The following ST6GALNAC3 variants were observed in gnomAD, a reference collection of about 807,000 sequenced individuals.
The protein encoded by ST6GALNAC3 is ST6 N-acetylgalactosaminide alpha-2,6-sialyltransferase 3, also known as alpha-N-acetylgalactosaminide alpha-2,6-sialyltransferase 3.
A neutral mutation model predicts 32.7 loss-of-function variants in ST6GALNAC3; 25 were observed. The observed-to-expected ratio is 0.76, with a 90% confidence interval of 0.56 to 1.07. ST6GALNAC3 has a LOEUF of 1.07. ST6GALNAC3 is among the 50% of genes least tolerant of loss of function. ST6GALNAC3 has a pLI of 0.00. For missense variants in ST6GALNAC3, 355 were observed against 382.4 expected (o/e 0.93, Z 0.60); for synonymous variants, 129 against 133.1 (o/e 0.97, Z 0.21).
chr1:76,229,207 T>C (rs907512174), intron 1 of ST6GALNAC3, among the ~76,000 whole-genome samples: 11 of 152,170 alleles, frequency 7.2e-5, no homozygotes, highest in Non-Finnish European at 1.3e-4. Flanking sequence ...CAAGTCAGAT[T>C]GCAATCTCCA....
intron 3 of ST6GALNAC3, among the ~76,000 whole-genome samples, chr1:76,507,904 AG>A (rs1381806689): frequency 2.0e-5 from 3 of 152,190 alleles, no homozygotes; most frequent in Non-Finnish European, 2.9e-5. Flanking sequence ...GCAGTGTACA[AG>A]GGTTCCAATT....
Position 76,502,559 on chromosome 1 carries a change from C to G in ST6GALNAC3, c.623+90142C>G, listed in dbSNP as rs542947083. Among the ~76,000 whole-genome samples, 77 of 152,152 alleles carry G rather than the reference C, an allele frequency of 5.1e-4. 1 individual carries two copies. The highest frequency in any genetic ancestry group is 3.2e-3 in the Middle Eastern group (1 of 316). On this transcript the variant is annotated intron_variant, in intron 3 of 4. Coordinates refer to ENST00000328299, the MANE Select transcript of ST6GALNAC3 (RefSeq NM_152996.4). ...TATATCTCTTCACATAATCTTCCTT[C>G]TCTGCATGTCTGTGTCCAGATTTCC...
intron 2 of ST6GALNAC3, among the ~76,000 whole-genome samples, chr1:76,361,025 G>A (rs1649888083): frequency 6.6e-6 from 1 of 151,940 alleles, no homozygotes; most frequent in South Asian, 2.1e-4. Context: ...TGAATTAAAT[G>A]TAAATAAGTC....
intron 3 of ST6GALNAC3, among the ~76,000 whole-genome samples, chr1:76,471,715 T>C (rs1031738471): frequency 5.9e-5 from 9 of 152,144 alleles, no homozygotes; most frequent in African/African-American, 2.2e-4. Context: ...ATTTCAAATA[T>C]CCAGATATCT....
intron 1 of ST6GALNAC3, among the ~76,000 whole-genome samples, chr1:76,128,248 C>T (rs137871650): frequency 5.3e-5 from 8 of 152,266 alleles, no homozygotes; most frequent in Admixed American, 2.0e-4. Context: ...ATCTGCAGCA[C>T]GTGCCAGTCT....
chr1:76,310,513 G>A, intron 1 of ST6GALNAC3, among the ~76,000 whole-genome samples: 1 of 152,078 alleles, frequency 6.6e-6, no homozygotes, highest in East Asian at 1.9e-4. Flanking sequence ...ATTATGGGAG[G>A]TGAGCAAGAA....
At chr1:76,475,968 T>G (rs1004567072) in intron 3 of ST6GALNAC3, among the ~76,000 whole-genome samples, 1 of 152,194 alleles carries the variant, frequency 6.6e-6, no homozygotes, top group Non-Finnish European at 1.5e-5. Context: ...TCTGTTCTTG[T>G]GTTAGTTTGC....
At chr1:76,610,772 T>C (rs1473033055) in intron 3 of ST6GALNAC3, among the ~76,000 whole-genome samples, 1 of 152,146 alleles carries the variant, frequency 6.6e-6, no homozygotes, top group East Asian at 1.9e-4. Flanking sequence ...TGCAATATTA[T>C]TATAGTCAAA....
At chr1:76,286,922 T>C (rs1659811292) in intron 1 of ST6GALNAC3, among the ~76,000 whole-genome samples, 1 of 152,196 alleles carries the variant, frequency 6.6e-6, no homozygotes, top group African/African-American at 2.4e-5. Context: ...CCCAGTAAGA[T>C]ACACACCATT....
intron 2 of ST6GALNAC3, among the ~76,000 whole-genome samples, chr1:76,321,624 C>T (rs1407909415): frequency 6.6e-6 from 1 of 152,160 alleles, no homozygotes; most frequent in Non-Finnish European, 1.5e-5. Context: ...ACTCTCAAAC[C>T]TGCTGGGGGG....
intron 1 of ST6GALNAC3, among the ~76,000 whole-genome samples, chr1:76,304,962 A>G (rs1660956969): frequency 1.3e-5 from 2 of 152,066 alleles, no homozygotes; most frequent in Admixed American, 6.6e-5. Context: ...AATGAAGCCT[A>G]TAAGGTAGCT....
At chr1:76,346,177 T>C (rs1648492852) in intron 2 of ST6GALNAC3, among the ~76,000 whole-genome samples, 1 of 152,208 alleles carries the variant, frequency 6.6e-6, no homozygotes, top group Non-Finnish European at 1.5e-5. Flanking sequence ...GCTTTCTTCT[T>C]GATTCATACA....
chr1:76,526,903 T>G (rs1015043768), intron 3 of ST6GALNAC3, among the ~76,000 whole-genome samples: 1 of 152,098 alleles, frequency 6.6e-6, no homozygotes, highest in Admixed American at 6.6e-5. Context: ...TTGTAGAAAA[T>G]TCTCTGATTG....
At chr1:76,613,667 G>T (rs1028078780) in intron 3 of ST6GALNAC3, among the ~76,000 whole-genome samples, 1 of 152,202 alleles carries the variant, frequency 6.6e-6, no homozygotes. Context: ...GTTCTCACAA[G>T]ACCTGGTTGT....
intron 3 of ST6GALNAC3, among the ~76,000 whole-genome samples, chr1:76,526,004 G>A (rs12137581): frequency 0.11 from 16,547 of 150,808 alleles, 1,022 homozygotes; most frequent in East Asian, 0.21. Flanking sequence ...CAAACTCAGT[G>A]GCTGTGCAAT....
intron 3 of ST6GALNAC3, among the ~76,000 whole-genome samples, chr1:76,488,318 C>T (rs12081001): frequency 0.18 from 26,215 of 142,008 alleles, 2,733 homozygotes; most frequent in African/African-American, 0.3. Context: ...TGTGATGTGC[C>T]GGCTACCCCT....
chr1:76,339,071 G>A (rs1647743422), intron 2 of ST6GALNAC3, among the ~76,000 whole-genome samples: 1 of 152,138 alleles, frequency 6.6e-6, no homozygotes, highest in Non-Finnish European at 1.5e-5. Flanking sequence ...GGTTTGGAAG[G>A]CATAAACTTT....
At chr1:76,270,876 C>T (rs9437391) in intron 1 of ST6GALNAC3, among the ~76,000 whole-genome samples, 8,414 of 152,212 alleles carry the variant, frequency 0.055, 289 homozygotes, top group African/African-American at 0.087. Flanking sequence ...AGGGGCTGAC[C>T]TTTTCTAGTC....
intron 1 of ST6GALNAC3, among the ~76,000 whole-genome samples, chr1:76,184,610 G>A (rs989957890): frequency 4.6e-5 from 7 of 151,734 alleles, no homozygotes; most frequent in South Asian, 2.1e-4. Context: ...GAGTTTGCCC[G>A]GGACTAAAAA....
Sources: allele counts gnomAD v4.1 joint callset (sites outside exome capture counted in the v4.1 genomes callset), GRCh38; gene constraint gnomAD v4.1.1; transcripts MANE v1.5; gene names NCBI Gene and HGNC (gene_info 2026-07-23, HGNC 2026-07-21).